Variants in TRPM6 observed in about 807,000 individuals in gnomAD.
The protein encoded by TRPM6 is channel kinase 2.
A neutral mutation model predicts 247.6 loss-of-function variants in TRPM6; 111 were observed. That is an observed-to-expected ratio of 0.45 (90% CI 0.38 to 0.52). TRPM6 has a LOEUF of 0.52. Among genes scored for constraint, TRPM6 ranks in the 20% least tolerant of loss-of-function variants. The probability of loss-of-function intolerance (pLI) is 0.00; values close to 1 mark genes in which losing one functional copy is unlikely to be tolerated. For synonymous variants in TRPM6, 892 were observed against 853.8 expected, an observed-to-expected ratio of 1.04 and a Z score of -0.78; for missense variants, 2,126 against 2,421.5, an observed-to-expected ratio of 0.88 and a Z score of 2.56.
chr9:74,789,959 TC>T (rs1564015531), intron 19 of TRPM6, among the ~76,000 whole-genome samples: 1 of 28,512 alleles, frequency 3.5e-5, no homozygotes, highest in African/African-American at 1.3e-4. Context: ...AGACTCCATC[TC>T]AAAAAAAAAA....
intron 1 of TRPM6, among the ~76,000 whole-genome samples, chr9:74,863,330 A>G (rs1830746141): frequency 6.6e-6 from 1 of 152,090 alleles, no homozygotes. Context: ...TACAGGCGTG[A>G]GCCACTGTGC....
In TRPM6 at chr9:74,814,140, T is replaced by G. The variant is rs80335932; in HGVS notation, c.1309-1707A>C. On this transcript the variant is annotated intron_variant, in intron 11 of 38. Transcript: ENST00000360774. ...GGATTCTGGATGCTAATGAAAAACA[T>G]AGGGGAGGGTGCAATCAGGGAGCAA... is the stretch of plus-strand genomic sequence containing the variant. Among the ~76,000 whole-genome samples the G allele has an allele frequency of 1.9e-3, 288 of 152,090 alleles. 8 individuals carry two copies. The East Asian group carries it at 0.054, about 28-fold the overall frequency.
At chr9:74,866,725 C>G (rs1186218634) in intron 1 of TRPM6, among the ~76,000 whole-genome samples, 1 of 152,140 alleles carries the variant, frequency 6.6e-6, no homozygotes, top group African/African-American at 2.4e-5. Context: ...AGGTGATACA[C>G]CCACCTCAGT....
intron 26 of TRPM6, 57 bp downstream of exon 26, chr9:74,761,942 A>C (rs771631907): frequency 5.1e-6 from 8 of 1,580,636 alleles, no homozygotes; most frequent in Non-Finnish European, 6.9e-6. Flanking sequence ...AAAACAAAAC[A>C]AAACCAGTAG....
At chr9:74,823,362 T>G (rs1829200256) in intron 7 of TRPM6, among the ~76,000 whole-genome samples, 1 of 152,226 alleles carries the variant, frequency 6.6e-6, no homozygotes, top group Non-Finnish European at 1.5e-5. Flanking sequence ...TCCAGCTATA[T>G]GTGTCAAGAT....
intron 30 of TRPM6, 68 bp from the exon 31 acceptor site, chr9:74,747,982 A>C: frequency 1.4e-6 from 2 of 1,409,276 alleles, no homozygotes; most frequent in South Asian, 2.3e-5. Flanking sequence ...CAAAAAAAGG[A>C]AACAGCACAT....
chr9:74,877,252 T>C (rs1831222609), intron 1 of TRPM6, among the ~76,000 whole-genome samples: 1 of 152,184 alleles, frequency 6.6e-6, no homozygotes, highest in Admixed American at 6.5e-5. Context: ...CACATGTCTA[T>C]ACAAAAACTT....
intron 1 of TRPM6, among the ~76,000 whole-genome samples, chr9:74,859,878 C>T (rs1229915348): frequency 6.6e-6 from 1 of 152,064 alleles, no homozygotes; most frequent in Non-Finnish European, 1.5e-5. Context: ...TTTCAAACTC[C>T]ACGTCAGTGC....
chr9:74,758,763 A>G (rs959587134), intron 27 of TRPM6, among the ~76,000 whole-genome samples: 1 of 152,212 alleles, frequency 6.6e-6, no homozygotes, highest in Non-Finnish European at 1.5e-5. Context: ...AGTCAATATT[A>G]TACCAGAGGT....
In TRPM6 at chr9:74,778,231, G is replaced by A. The variant is rs185870044; in HGVS notation, c.3210-2155C>T. On this transcript the variant is annotated intron_variant, in intron 23 of 38. Transcript: ENST00000360774. ...GCTAAGGCTCCAGAAGGAAGGGGTC[G>A]CCCTGCTAGTGACAGAGCTGGGAGT... 4.0e-4 allele frequency among the ~76,000 whole-genome samples: 61 copies of A among 152,282 alleles called. 1 individual carries two copies. The highest frequency in any genetic ancestry group is 1.7e-3 in the Admixed American group (26 of 15,298).
At chr9:74,881,492 G>A (rs961744465) in intron 1 of TRPM6, among the ~76,000 whole-genome samples, 3 of 152,004 alleles carry the variant, frequency 2.0e-5, no homozygotes, top group South Asian at 4.2e-4. Context: ...ATACAGTAAC[G>A]GTTGGGGACT....
chr9:74,782,238 CAAT>C (rs1034006566), intron 23 of TRPM6, 121 bp downstream of exon 23: 16 of 703,352 alleles, frequency 2.3e-5, no homozygotes, highest in East Asian at 5.6e-5. Context: ...TATTTCAAAA[CAAT>C]AATAATAAAT....
chr9:74,860,933 G>A (rs1340852577), intron 1 of TRPM6, among the ~76,000 whole-genome samples: 1 of 152,062 alleles, frequency 6.6e-6, no homozygotes, highest in Non-Finnish European at 1.5e-5. Context: ...GAGGTGGGAG[G>A]ATTGCTTAAG....
Position 74,788,899 on chromosome 9 carries a change from A to G in TRPM6, c.2539-157T>C, listed in dbSNP as rs185865607. The stretch of plus-strand genomic sequence containing the variant: ...TCGGGTTATTGATGACCTACTATCA[A>G]GGAAAGCACAACAATCCATGGTGTT... On this transcript the variant is annotated intron_variant, in intron 19 of 38. Transcript: ENST00000360774. 7.7e-3 allele frequency among the ~76,000 whole-genome samples: 1,171 copies of G among 152,348 alleles called. 8 individuals are homozygous for G. The highest frequency in any genetic ancestry group is 0.017 in the Middle Eastern group (5 of 294).
chr9:74,887,534 C>T, intron 1 of TRPM6: 1 of 1,311,304 alleles, frequency 7.6e-7, no homozygotes, highest in Non-Finnish European at 1.1e-6. Flanking sequence ...ACCCCCGACC[C>T]CCGCTAGGTT....
rs1242547326 is a variant in TRPM6 at position 74,749,463 on chromosome 9, T to A, written c.5057+1201A>T. On this transcript the variant is annotated intron_variant, in intron 30 of 38. Transcript: ENST00000360774. ...TAAGATGTAACTGTGTTTGTGTTCT[T>A]CTGGATCAATTAAACTAAAGGATTC... 3.3e-5 allele frequency among the ~76,000 whole-genome samples: 5 copies of A among 152,326 alleles called. No homozygotes were observed. The South Asian group carries it at 1.0e-3, about 32-fold the overall frequency.
rs748102036 is a variant in TRPM6, at chr9:74,762,154, G to A, written c.4517C>T (p.Ser1506Leu). 17 of 1,614,062 alleles carry A rather than the reference G, an allele frequency of 1.1e-5. No homozygotes were observed. In the African/African-American group the frequency reaches 1.6e-4, roughly 15 times the overall value. ...CTCTGAGCATTCACTACTCTGGGCCGATCTTGTTGAGTTATCAGATAGGGA... is the reference window on the plus strand; with the variant it reads ...CTCTGAGCATTCACTACTCTGGGCCAATCTTGTTGAGTTATCAGATAGGGA... ...DSSLSDNSTR[S>L]AQSSECSEVG... is the part of the protein sequence containing the mutation. Residue 1506 changes from serine (S) to leucine (L), a missense_variant, in exon 26 of 39, where the codon TCG (serine) becomes TTG (leucine). Physicochemically the swap from Ser to Leu is moderately radical, Grantham distance 145 (BLOSUM62 -2). This residue lies in a region of TRPM6 where 717 missense variants were observed against 715.9 expected (regional missense o/e 1.00). Transcript: ENST00000360774.
Position 74,728,224 on chromosome 9 carries a change from C to G in TRPM6, c.5935+15G>C, listed in dbSNP as rs780414193. 2 of 1,584,334 alleles carry G rather than the reference C, an allele frequency of 1.3e-6. No individual in the cohort carries two copies. The highest frequency in any genetic ancestry group is 3.3e-5 in the Admixed American group (2 of 59,976). On this transcript the variant is annotated intron_variant, in intron 38 of 38. Coordinates refer to ENST00000360774, the MANE Select transcript of TRPM6 (RefSeq NM_017662.5). ...AGAGATTTACTTAGAGAAAAAAGAA[C>G]TGTTAGTGGCATACCCGGGAGTTTG...
intron 2 of TRPM6, chr9:74,857,685 C>T (rs1345955043): frequency 6.6e-6 from 1 of 152,140 alleles, no homozygotes; most frequent in African/African-American, 2.4e-5. Context: ...GCGCTCACTT[C>T]GGTAGCACAC....
Sources: allele counts gnomAD v4.1 joint callset (sites outside exome capture counted in the v4.1 genomes callset), GRCh38; gene constraint gnomAD v4.1.1; regional missense constraint gnomAD v4.1.1; transcripts MANE v1.5; gene names NCBI Gene and HGNC (gene_info 2026-07-23, HGNC 2026-07-21).